Variants in CRTC1 observed in about 807,000 individuals in gnomAD.
The protein encoded by CRTC1 is CREB regulated transcription coactivator 1, also known as CREB-regulated transcription coactivator 1.
Under a neutral mutation model 66.1 loss-of-function variants are expected in CRTC1, and 18 were observed. The observed-to-expected ratio is 0.27, with a 90% CI of 0.19 to 0.40. The LOEUF (loss-of-function observed/expected upper bound fraction) is 0.40, where lower values mean the gene tolerates loss of function less well. Ranked by LOEUF, CRTC1 falls within the 10% of genes least tolerant of loss-of-function variation. CRTC1 has a pLI of 1.00. For missense variants in CRTC1, 669 were observed against 887.9 expected, an observed-to-expected ratio of 0.75 and a Z score of 3.13; for synonymous variants, 416 against 398.8, an observed-to-expected ratio of 1.04 and a Z score of -0.51.
chr19:18,723,862 C>T (rs956172395), intron 1 of CRTC1, among the ~76,000 whole-genome samples: 1 of 152,180 alleles, frequency 6.6e-6, no homozygotes, highest in Non-Finnish European at 1.5e-5. Flanking sequence ...ACAGCAGCCT[C>T]GTCAGTGTGG....
chr19:18,761,399 G>T (rs1254569328), intron 8 of CRTC1, among the ~76,000 whole-genome samples: 1 of 151,900 alleles, frequency 6.6e-6, no homozygotes, highest in Non-Finnish European at 1.5e-5. Flanking sequence ...GGCTGTGGGG[G>T]ATGCACTGGG....
rs868758733 is a variant in CRTC1 at position 18,753,568 on chromosome 19, G to A, written c.607G>A (p.Ala203Thr). The A allele has an allele frequency of 6.2e-6, 10 of 1,611,922 alleles. No homozygotes were observed. The highest frequency in any genetic ancestry group is 8.5e-6 in the Non-Finnish European group (10 of 1,178,860). Residue 203 changes from alanine (A) to threonine (T), a missense_variant, in exon 6 of 14, where the codon GCA (alanine) becomes ACA (threonine). Physicochemically the swap from Ala to Thr is moderately conservative, Grantham distance 58. Around this residue, in one of 8 missense-constraint regions of CRTC1, gnomAD observed 214 missense variants for 323.4 expected, o/e 0.66. Coordinates refer to ENST00000321949, the MANE Select transcript of CRTC1 (RefSeq NM_015321.3). ...GGCAGACAAAAACCTTTCCAAGCAA[G>A]CATGGGACACCAAGAAGGTAAGAGC... is the stretch of plus-strand genomic sequence containing the variant. ...SEADKNLSKQ[A>T]WDTKKTGSRP...
At chr19:18,739,852 C>T (rs2054074160) in intron 1 of CRTC1, among the ~76,000 whole-genome samples, 1 of 152,166 alleles carries the variant, frequency 6.6e-6, no homozygotes, top group Admixed American at 6.5e-5. Flanking sequence ...CCTGCAGACT[C>T]AGGAGTCTCC....
At chr19:18,703,190 T>C (rs946863549) in intron 1 of CRTC1, among the ~76,000 whole-genome samples, 1 of 152,066 alleles carries the variant, frequency 6.6e-6, no homozygotes, top group Non-Finnish European at 1.5e-5. Context: ...GGTTTCACCT[T>C]GTTAGCCAGG....
intron 1 of CRTC1, among the ~76,000 whole-genome samples, chr19:18,726,691 A>AC (rs2053760019): frequency 6.6e-6 from 1 of 152,032 alleles, no homozygotes; most frequent in African/African-American, 2.4e-5. Context: ...ACTTTGGGAG[A>AC]CCAAGGCGGG....
chr19:18,777,702 C>T lies in CRTC1; in HGVS notation c.*320C>T, dbSNP rs988959660. On this transcript the variant is annotated 3_prime_UTR_variant, in exon 14 of 14. Transcript: ENST00000321949. This position sits in a 1 kb window ranked among gnomAD's most constrained non-coding sequence, Gnocchi z 5.5. ...GGCCTGAGCCGTCCCCTGTAAGATG[C>T]GGGAAGTGTCAGCTCCCGGCGTGGC... 2.9e-5 allele frequency: 11 copies of T among 384,732 alleles called. No homozygotes were observed. The highest frequency in any genetic ancestry group is 4.3e-5 in the Non-Finnish European group (9 of 211,198). The allele number at this position is 384,732 out of a possible 1,614,324, so 23.8% of individuals were successfully genotyped here. A position where few individuals can be genotyped will look rare whatever the true frequency, so the allele number is the denominator to read the frequency against.
chr19:18,779,597 G>T lies in CRTC1; in HGVS notation c.*2215G>T. 1 of 221,124 alleles carries T rather than the reference G, an allele frequency of 4.5e-6. No homozygotes were observed. The highest frequency in any genetic ancestry group is 9.1e-6 in the Non-Finnish European group (1 of 110,484). 13.7% of individuals were successfully genotyped at this position (221,124 alleles called of 1,614,324 possible). A position where few individuals can be genotyped will look rare whatever the true frequency, so the allele number is the denominator to read the frequency against. ...GATGCGGTTTTCAAAAGAAGGCATT[G>T]AGGACCATGCTAGGAAACCTCATAC... is the stretch of plus-strand genomic sequence containing the variant. On this transcript the variant is annotated 3_prime_UTR_variant, in exon 14 of 14. Coordinates refer to ENST00000321949, the MANE Select transcript of CRTC1 (RefSeq NM_015321.3).
chr19:18,730,327 C>G (rs1350426257), intron 1 of CRTC1, among the ~76,000 whole-genome samples: 1 of 152,126 alleles, frequency 6.6e-6, no homozygotes, highest in Non-Finnish European at 1.5e-5. Flanking sequence ...GCAGGGGGCG[C>G]CTGGTGAACA....
rs925942145 is a variant in CRTC1 at position 18,781,701 on chromosome 19, C to G, written c.*4319C>G. ...TTGTCACTTTCTCAAACCTGCAGGTCTCAGGGCCCCGGGCTCCTCCTGGGC... is the reference window on the plus strand; with the variant it reads ...TTGTCACTTTCTCAAACCTGCAGGTGTCAGGGCCCCGGGCTCCTCCTGGGC... On this transcript the variant is annotated 3_prime_UTR_variant, in exon 14 of 14. Transcript: ENST00000321949. 2 of 230,624 alleles carry G rather than the reference C, an allele frequency of 8.7e-6. No individual in the cohort carries two copies. The highest frequency in any genetic ancestry group is 4.4e-5 in the African/African-American group (2 of 45,148). 14.3% of individuals were successfully genotyped at this position (230,624 alleles called of 1,614,324 possible).
At chr19:18,695,051 A>G (rs1028236136) in intron 1 of CRTC1, among the ~76,000 whole-genome samples, 10 of 152,092 alleles carry the variant, frequency 6.6e-5, no homozygotes, top group Admixed American at 5.9e-4. Context: ...TTGTATTTTT[A>G]GTAGAGATGA....
chr19:18,743,150 C>T (rs777033896), intron 2 of CRTC1, 124 bp downstream of exon 2: 48 of 763,240 alleles, frequency 6.3e-5, no homozygotes, highest in Non-Finnish European at 9.6e-5. Context: ...CAACCACTGC[C>T]TTCTCCTTGT....
intron 4 of CRTC1, among the ~76,000 whole-genome samples, chr19:18,749,580 C>T (rs755291090): frequency 2.4e-4 from 36 of 152,226 alleles, no homozygotes; most frequent in Admixed American, 6.5e-4. Flanking sequence ...TTGTTTTTCA[C>T]GAGCTTTGCA....
At position 18,760,185 on chromosome 19, in the gene CRTC1, C is replaced by G; in HGVS notation, c.843C>G (p.Leu281=). Residue 281 remains leucine, a synonymous_variant, in exon 8 of 14, where the codon CTC becomes CTG. Transcript: ENST00000321949. This position sits in a 1 kb window ranked among gnomAD's most constrained non-coding sequence, Gnocchi z 6.2. The stretch of plus-strand genomic sequence containing the variant: ...GCAGCTCCAGCAGCACCGGCAACCT[C>G]GCGGCCAACCTGACGCACCTGGGCA... ...ALSSSSSTGN[L]AANLTHLGIG... is the part of the protein sequence containing the mutation. The G allele has an allele frequency of 6.2e-7, 1 of 1,613,160 alleles. No individual in the cohort carries two copies. Among genetic ancestry groups the G allele is most frequent in the Non-Finnish European group, 8.5e-7 (1 of 1,179,612 alleles).
chr19:18,744,779 C>T (rs1189154418), intron 2 of CRTC1, among the ~76,000 whole-genome samples: 1 of 152,190 alleles, frequency 6.6e-6, no homozygotes, highest in Non-Finnish European at 1.5e-5. Context: ...CACGGAAAGA[C>T]CCAAACCAGC....
intron 4 of CRTC1, among the ~76,000 whole-genome samples, chr19:18,748,752 A>C (rs1382767852): frequency 1.3e-5 from 2 of 151,594 alleles, no homozygotes; most frequent in African/African-American, 4.8e-5. Flanking sequence ...CACACACCAC[A>C]CACATACACA....
At position 18,778,172 on chromosome 19, in the gene CRTC1, A is replaced by G; in HGVS notation, c.*790A>G. 4.3e-6 allele frequency: 1 copy of G among 232,830 alleles called. No individual in the cohort carries two copies. The highest frequency in any genetic ancestry group is 8.5e-6 in the Non-Finnish European group (1 of 117,854). 14.4% of individuals were successfully genotyped at this position (232,830 alleles called of 1,614,324 possible). ...GGGGTCGAACGCGGAGGCAGGGGTT[A>G]CCTCTTGGGGCTTTACAATCCGTGG... On this transcript the variant is annotated 3_prime_UTR_variant, in exon 14 of 14. Coordinates refer to ENST00000321949, the MANE Select transcript of CRTC1 (RefSeq NM_015321.3).
intron 1 of CRTC1, among the ~76,000 whole-genome samples, chr19:18,702,491 AGTGCTGG>A (rs1851861755): frequency 6.6e-6 from 1 of 151,030 alleles, no homozygotes; most frequent in Admixed American, 6.6e-5. Context: ...GGCCTCCCAA[AGTGCTGG>A]CTTGAGCCCC....
Position 18,765,489 on chromosome 19 carries a change from G to A in CRTC1, c.972G>A (p.Gln324=), listed in dbSNP as rs777462067. ...LSLSTEARRQ[Q]ASPTLSPLSP... ...TGAGCACAGAGGCAAGGCGTCAGCAGGCATCGCCCACCCTGTCCCCGCTGT... is the reference window on the plus strand; with the variant it reads ...TGAGCACAGAGGCAAGGCGTCAGCAAGCATCGCCCACCCTGTCCCCGCTGT... The change falls in exon 9 of 14, where the codon CAG becomes CAA. Residue 324 remains glutamine, a synonymous_variant. Transcript: ENST00000321949. 6.2e-7 allele frequency: 1 copy of A among 1,610,516 alleles called. No homozygotes were observed. Among genetic ancestry groups the A allele is most frequent in the Non-Finnish European group, 8.5e-7 (1 of 1,179,722 alleles).
chr19:18,694,171 C>T (rs1261811870), intron 1 of CRTC1, among the ~76,000 whole-genome samples: 1 of 150,134 alleles, frequency 6.7e-6, no homozygotes, highest in Non-Finnish European at 1.5e-5. Flanking sequence ...CATGGTGGCT[C>T]ATGCCTGTGG....
Sources: gnomAD v4.1 joint callset for allele counts (sites outside exome capture counted in the v4.1 genomes callset) on GRCh38, gnomAD v4.1.1 for gene constraint, gnomAD v4.1.1 regional missense constraint, Gnocchi (gnomAD v3.1) non-coding constraint, MANE v1.5 for transcripts, NCBI Gene and HGNC (gene_info 2026-07-23, HGNC 2026-07-21) for gene names.